The following ENAH variants were observed in gnomAD, a reference collection of about 807,000 sequenced individuals.
The protein encoded by ENAH is ENAH actin regulator.
Under a neutral mutation model 78.7 loss-of-function variants are expected in ENAH, and 23 were observed. The observed-to-expected ratio is 0.29, with a 90% CI of 0.21 to 0.41. The LOEUF is 0.41. Among genes scored for constraint, ENAH ranks in the 10% least tolerant of loss-of-function variants. ENAH has a pLI of 1.00. For synonymous variants in ENAH, 226 were observed against 241.0 expected, an observed-to-expected ratio of 0.94 and a Z score of 0.58; for missense variants, 544 against 691.0, an observed-to-expected ratio of 0.79 and a Z score of 2.39.
intron 3 of ENAH, among the ~76,000 whole-genome samples, chr1:225,549,744 T>C (rs1252733678): frequency 6.6e-6 from 1 of 152,200 alleles, no homozygotes; most frequent in African/African-American, 2.4e-5. Context: ...AATTTCTATG[T>C]GAGGACAAAG....
intron 1 of ENAH, among the ~76,000 whole-genome samples, chr1:225,630,423 C>T (rs996407445): frequency 6.6e-6 from 1 of 152,158 alleles, no homozygotes; most frequent in Admixed American, 6.6e-5. Context: ...AACAAAAGTA[C>T]TTCTCGTACA....
intron 1 of ENAH, among the ~76,000 whole-genome samples, chr1:225,639,319 GCA>G (rs1053956959): frequency 2.0e-4 from 31 of 152,118 alleles, no homozygotes; most frequent in Non-Finnish European, 4.1e-4. Context: ...CATGATTTAT[GCA>G]TTTAGCTGTA....
intron 1 of ENAH, among the ~76,000 whole-genome samples, chr1:225,606,930 T>G (rs1345004477): frequency 7.5e-6 from 1 of 133,490 alleles, no homozygotes; most frequent in Admixed American, 7.6e-5. Flanking sequence ...TCCAATAAAA[T>G]AACTACGTAC....
chr1:225,508,930 C>T (rs2096355638), intron 10 of ENAH, among the ~76,000 whole-genome samples: 1 of 152,174 alleles, frequency 6.6e-6, no homozygotes, highest in African/African-American at 2.4e-5. Context: ...CTTCAAAGTA[C>T]ACTTAACGCA....
chr1:225,650,848 T>TAAA (rs746549168), intron 1 of ENAH, among the ~76,000 whole-genome samples: 1,363 of 58,890 alleles, frequency 0.023, 78 homozygotes, highest in African/African-American at 0.037. Flanking sequence ...AGACTGCATT[T>TAAA]AAAAAAAAAA....
rs995191620 is a variant in ENAH at position 225,580,962 on chromosome 1, G to T, written c.6-13548C>A. 5.8e-5 allele frequency among the ~76,000 whole-genome samples: 6 copies of T among 103,814 alleles called. No homozygotes were observed. The South Asian group carries it at 1.8e-3, about 30-fold the overall frequency. 68.1% of individuals were successfully genotyped at this position (103,814 alleles called of 152,430 possible). On this transcript the variant is annotated intron_variant, in intron 1 of 13. Transcript: ENST00000366843. ...GATTACCTCAGATTTCATAAGCTCC[G>T]TGACTTTTAGCACACATATAGGCAC...
intron 1 of ENAH, among the ~76,000 whole-genome samples, chr1:225,647,351 T>TA (rs1186033002): frequency 6.6e-5 from 10 of 152,198 alleles, no homozygotes. Flanking sequence ...CAAAGAGACT[T>TA]AAAAACAGAT....
chr1:225,577,743 C>T (rs1184217214), intron 1 of ENAH, among the ~76,000 whole-genome samples: 1 of 152,098 alleles, frequency 6.6e-6, no homozygotes, highest in Non-Finnish European at 1.5e-5. Flanking sequence ...AACATTTCAG[C>T]AAATCTATTG....
At chr1:225,544,043 T>A (rs1168208399) in intron 3 of ENAH, among the ~76,000 whole-genome samples, 3 of 152,190 alleles carry the variant, frequency 2.0e-5, no homozygotes, top group South Asian at 4.1e-4. Flanking sequence ...TGGAACAGGT[T>A]TGGCTGCTGC....
chr1:225,548,815 A>G (rs1022213292), intron 3 of ENAH, among the ~76,000 whole-genome samples: 11 of 151,898 alleles, frequency 7.2e-5, no homozygotes, highest in South Asian at 4.1e-4. Flanking sequence ...CCAATCCCCA[A>G]ACCTGTTACT....
chr1:225,652,625 CG>C, intron 1 of ENAH, 60 bp downstream of exon 1: 3 of 1,257,320 alleles, frequency 2.4e-6, no homozygotes, highest in Non-Finnish European at 3.0e-6. Flanking sequence ...CCGAGGAGAA[CG>C]GGGGTCGCGG....
At chr1:225,651,891 T>C (rs924601225) in intron 1 of ENAH, among the ~76,000 whole-genome samples, 7 of 152,142 alleles carry the variant, frequency 4.6e-5, no homozygotes, top group Admixed American at 2.0e-4. Context: ...TTTCATCGTA[T>C]CAATTAAAAA....
rs577612704 is a variant in ENAH, at chr1:225,614,428, T to C, written c.5+38258A>G. Among the ~76,000 whole-genome samples, 32 of 152,150 alleles carry C rather than the reference T, an allele frequency of 2.1e-4. No individual in the cohort carries two copies. In the East Asian group the frequency reaches 5.8e-3, roughly 28 times the overall value. ...GACACATGGGGAAGGTCTGGAAGGG[T>C]CCTAAGAGCAAGAGTTTCTGATCTC... On this transcript the variant is annotated intron_variant, in intron 1 of 13. Coordinates refer to ENST00000366843, the MANE Select transcript of ENAH (RefSeq NM_018212.6).
At chr1:225,517,141 T>C (rs1460929653) in intron 6 of ENAH, 55 bp downstream of exon 6, 10 of 1,416,660 alleles carry the variant, frequency 7.1e-6, no homozygotes, top group Non-Finnish European at 9.4e-6. Flanking sequence ...TTAAAGTCAC[T>C]GCTATATAAC....
intron 2 of ENAH, among the ~76,000 whole-genome samples, chr1:225,564,751 T>C: frequency 6.6e-6 from 1 of 152,166 alleles, no homozygotes; most frequent in Non-Finnish European, 1.5e-5. Flanking sequence ...ATCTTTTCAA[T>C]GAAGCAGCTT....
chr1:225,512,413 C>A (rs114914912), intron 9 of ENAH, among the ~76,000 whole-genome samples: 141 of 152,322 alleles, frequency 9.3e-4, no homozygotes, highest in African/African-American at 3.2e-3. Flanking sequence ...GAATTAAACT[C>A]CACAGGTTTG....
chr1:225,609,099 T>G (rs531775567), intron 1 of ENAH, among the ~76,000 whole-genome samples: 6 of 151,678 alleles, frequency 4.0e-5, no homozygotes, highest in African/African-American at 1.5e-4. Flanking sequence ...AGAATTCCCA[T>G]GAAAATGGTA....
At chr1:225,604,416 C>T (rs1355439096) in intron 1 of ENAH, among the ~76,000 whole-genome samples, 1 of 151,940 alleles carries the variant, frequency 6.6e-6, no homozygotes, top group Non-Finnish European at 1.5e-5. Context: ...GGAAAATATG[C>T]CCCAGACAGC....
intron 1 of ENAH, among the ~76,000 whole-genome samples, chr1:225,614,973 T>TTCTCCC (rs1029932534): frequency 1.3e-5 from 2 of 151,866 alleles, no homozygotes; most frequent in East Asian, 1.9e-4. Context: ...AGTAATACTT[T>TTCTCCC]TCTCCCTCTC....
Sources: gnomAD v4.1 joint callset for allele counts (sites outside exome capture counted in the v4.1 genomes callset) on GRCh38, gnomAD v4.1.1 for gene constraint, MANE v1.5 for transcripts, NCBI Gene and HGNC (gene_info 2026-07-23, HGNC 2026-07-21) for gene names.